SLC4A7: variants seen among roughly 807,000 people sequenced by gnomAD.
SLC4A7 encodes sodium bicarbonate cotransporter 3.
A neutral mutation model predicts 137.6 loss-of-function variants in SLC4A7; 51 were observed. That is an observed-to-expected ratio of 0.37 (90% CI 0.30 to 0.47). The LOEUF is 0.47. Among genes scored for constraint, SLC4A7 ranks in the 20% least tolerant of loss-of-function variants. SLC4A7 has a pLI of 1.00. For synonymous variants in SLC4A7, 542 were observed against 518.6 expected (o/e 1.05, Z -0.61); for missense variants, 1,247 against 1,525.4 (o/e 0.82, Z 3.04).
chr3:27,423,432 A>G (rs2055201532), intron 8 of SLC4A7, among the ~76,000 whole-genome samples: 1 of 152,242 alleles, frequency 6.6e-6, no homozygotes, highest in African/African-American at 2.4e-5. Context: ...ATTTGAACTT[A>G]GTAGTCTTTT....
chr3:27,429,208 G>C (rs1052509511), intron 7 of SLC4A7, among the ~76,000 whole-genome samples: 1 of 151,502 alleles, frequency 6.6e-6, no homozygotes, highest in Middle Eastern at 3.4e-3. Flanking sequence ...GGAGGTTGCA[G>C]TAAGCCGAGA....
rs183178289 is a variant in SLC4A7, at chr3:27,418,588, G to A, written c.1557C>T (p.Leu519=). The change falls in exon 11 of 26, where the codon CTC becomes CTT. Residue 519 remains leucine, a synonymous_variant. Coordinates refer to ENST00000454389, the MANE Select transcript of SLC4A7 (RefSeq NM_001321103.2). ...VAYKAKDRND[L]LSGIDEFLDQ... ...CTAAAAATTCATCAATTCCAGATAA[G>A]AGGTCATTTCTGTCTTTTGCTTTAT... 2 of 1,599,070 alleles carry A rather than the reference G, an allele frequency of 1.3e-6. No homozygotes were observed. The highest frequency in any genetic ancestry group is 2.2e-5 in the East Asian group (1 of 44,704).
chr3:27,475,115 A>T (rs1459594599), intron 1 of SLC4A7, among the ~76,000 whole-genome samples: 1 of 152,034 alleles, frequency 6.6e-6, no homozygotes, highest in Non-Finnish European at 1.5e-5. Flanking sequence ...AAAAAGAAAA[A>T]AAACCAGTAT....
chr3:27,482,595 A>ACCCC (rs372723712), intron 1 of SLC4A7, among the ~76,000 whole-genome samples: 31 of 152,118 alleles, frequency 2.0e-4, no homozygotes, highest in African/African-American at 7.2e-4. Context: ...ACATGGCAAA[A>ACCCC]CCCCGTCTCT....
intron 3 of SLC4A7, among the ~76,000 whole-genome samples, chr3:27,444,024 A>G (rs969035844): frequency 6.6e-6 from 1 of 152,122 alleles, no homozygotes; most frequent in African/African-American, 2.4e-5. Context: ...TTCCATTTGC[A>G]CTCGTAGAGA....
intron 1 of SLC4A7, among the ~76,000 whole-genome samples, chr3:27,454,335 G>A (rs910723166): frequency 2.6e-5 from 4 of 151,898 alleles, no homozygotes; most frequent in African/African-American, 9.7e-5. Flanking sequence ...GCGTGGTAGC[G>A]GGCGCCTGTA....
intron 9 of SLC4A7, 87 bp from the exon 10 acceptor site, chr3:27,420,874 T>C (rs2054898022): frequency 1.1e-6 from 1 of 883,524 alleles, no homozygotes; most frequent in East Asian, 2.6e-5. Flanking sequence ...CATTCAAATA[T>C]AAACAAAGAA....
intron 1 of SLC4A7, among the ~76,000 whole-genome samples, chr3:27,461,212 ACACAC>A (rs2150622947): frequency 4.2e-5 from 1 of 23,724 alleles, no homozygotes; most frequent in Non-Finnish European, 2.2e-4. Context: ...CAATTAGCAC[ACACAC>A]ACACACACAC....
intron 1 of SLC4A7, among the ~76,000 whole-genome samples, chr3:27,470,302 T>C (rs1386947250): frequency 6.6e-6 from 1 of 151,946 alleles, no homozygotes; most frequent in Non-Finnish European, 1.5e-5. Context: ...AGATAATCTG[T>C]CGGCAGTTCT....
chr3:27,464,146 C>A (rs546592896), intron 1 of SLC4A7, among the ~76,000 whole-genome samples: 7 of 152,268 alleles, frequency 4.6e-5, no homozygotes, highest in Admixed American at 2.0e-4. Flanking sequence ...TGCACTCCAG[C>A]CTGGGAGCAA....
In SLC4A7 at chr3:27,483,943, G is replaced by A. The variant is rs983291482; in HGVS notation, c.60+124C>T. 5.8e-6 allele frequency: 4 copies of A among 685,750 alleles called. No homozygotes were observed. The African/African-American group carries it at 7.6e-5, about 13-fold the overall frequency. 42.5% of individuals were successfully genotyped at this position (685,750 alleles called of 1,614,324 possible). A position where few individuals can be genotyped will look rare whatever the true frequency, so the allele number is the denominator to read the frequency against. The stretch of plus-strand genomic sequence containing the variant: ...GGCGAGGCGCGCCGGCCGCCGGGAG[G>A]TGGAGGGGCGACGGGCCTGGGACGA... On this transcript the variant is annotated intron_variant, in intron 1 of 25. Coordinates refer to ENST00000454389, the MANE Select transcript of SLC4A7 (RefSeq NM_001321103.2).
intron 20 of SLC4A7, among the ~76,000 whole-genome samples, chr3:27,392,115 T>G (rs1473836061): frequency 6.6e-6 from 1 of 152,194 alleles, no homozygotes; most frequent in Non-Finnish European, 1.5e-5. Flanking sequence ...CTGTAAAGAT[T>G]CAATGACTTC....
intron 1 of SLC4A7, among the ~76,000 whole-genome samples, chr3:27,471,335 C>T (rs780879295): frequency 2.0e-5 from 3 of 152,138 alleles, no homozygotes; most frequent in African/African-American, 7.2e-5. Flanking sequence ...ACAATAACTA[C>T]GTTAAAGCAG....
Position 27,404,964 on chromosome 3 carries a change from CTGTT to C in SLC4A7, c.1942-5_1942-2del, listed in dbSNP as rs2053188909. ...CTCCAAAAAGAGACTCTATTGCACT[CTGTT>C]TAAGGAAAAAAGAAATGAATAAAAG... On this transcript the variant is annotated splice_acceptor_variant and splice_polypyrimidine_tract_variant and intron_variant, in intron 13 of 25. Coordinates refer to ENST00000454389, the MANE Select transcript of SLC4A7 (RefSeq NM_001321103.2). LOFTEE classifies it high-confidence loss of function. 13 of 1,565,254 alleles carry C rather than the reference CTGTT, an allele frequency of 8.3e-6. No homozygotes were observed. Among genetic ancestry groups the C allele is most frequent in the East Asian group, 4.5e-5 (2 of 44,000 alleles).
intron 21 of SLC4A7, among the ~76,000 whole-genome samples, chr3:27,390,691 G>A (rs2051448460): frequency 6.6e-6 from 1 of 152,164 alleles, no homozygotes; most frequent in Admixed American, 6.5e-5. Context: ...GTAGGTCCTG[G>A]ATGGTGTTGA....
In SLC4A7 at chr3:27,375,404, C is replaced by T. The variant is rs2049836986; in HGVS notation, c.*1360G>A. The T allele has an allele frequency of 6.6e-6, 1 of 152,322 alleles. No individual in the cohort carries two copies. Among genetic ancestry groups the T allele is most frequent in the Non-Finnish European group, 1.5e-5 (1 of 67,880 alleles). 9.4% of individuals were successfully genotyped at this position (152,322 alleles called of 1,614,324 possible). The stretch of plus-strand genomic sequence containing the variant: ...TCATCCAGTCCTACAGGCTTAACAA[C>T]ATTTATTTCATGTGGAACTAAAAGT... On this transcript the variant is annotated 3_prime_UTR_variant, in exon 26 of 26. Coordinates refer to ENST00000454389, the MANE Select transcript of SLC4A7 (RefSeq NM_001321103.2).
At chr3:27,480,889 G>A (rs547056074) in intron 1 of SLC4A7, among the ~76,000 whole-genome samples, 29 of 152,100 alleles carry the variant, frequency 1.9e-4, no homozygotes, top group South Asian at 1.2e-3. Context: ...CACACCATAC[G>A]CCAAAATAAA....
intron 11 of SLC4A7, among the ~76,000 whole-genome samples, chr3:27,414,334 C>T (rs2054183448): frequency 6.6e-6 from 1 of 151,982 alleles, no homozygotes; most frequent in Non-Finnish European, 1.5e-5. Flanking sequence ...GGAGTTGGTA[C>T]CAACTCCCAT....
chr3:27,430,221 T>C (rs1280687420), intron 7 of SLC4A7, among the ~76,000 whole-genome samples: 1 of 151,390 alleles, frequency 6.6e-6, no homozygotes, highest in Non-Finnish European at 1.5e-5. Flanking sequence ...TGACAGAGTA[T>C]GACTCTATCC....
Sources: allele counts gnomAD v4.1 joint callset (sites outside exome capture counted in the v4.1 genomes callset), GRCh38; gene constraint gnomAD v4.1.1; transcripts MANE v1.5; gene names NCBI Gene and HGNC (gene_info 2026-07-23, HGNC 2026-07-21).